GPHN: variants seen among roughly 807,000 people sequenced by gnomAD.
The protein encoded by GPHN is gephyrin.
Under a neutral mutation model 95.5 loss-of-function variants are expected in GPHN, and 17 were observed. The observed-to-expected ratio is 0.18, with a 90% CI of 0.12 to 0.27. The LOEUF (loss-of-function observed/expected upper bound fraction) is 0.27, where lower values mean the gene tolerates loss of function less well. Among genes scored for constraint, GPHN ranks in the 10% least tolerant of loss-of-function variants. GPHN has a pLI of 1.00. For synonymous variants in GPHN, 320 were observed against 322.5 expected, an observed-to-expected ratio of 0.99 and a Z score of 0.08; for missense variants, 660 against 978.1, an observed-to-expected ratio of 0.67 and a Z score of 4.34.
chr14:67,572,317 TGCA>T, the GPHN span: 1 of 1,521,300 alleles, frequency 6.6e-7, no homozygotes, highest in Non-Finnish European at 8.8e-7. Flanking sequence ...GGAAGCAGAA[TGCA>T]GCAGAGGCTG....
At chr14:67,572,195 C>T in the GPHN span, 29 of 1,608,810 alleles carry the variant, frequency 1.8e-5, no homozygotes, top group East Asian at 5.8e-4. Context: ...GACGCCTGCT[C>T]ACTGGACAGT....
intron 2 of GPHN, chr14:66,760,852 A>G (rs758390615): frequency 6.7e-5 from 42 of 629,392 alleles, no homozygotes; most frequent in Middle Eastern, 4.6e-4. Context: ...AGCGAAATTT[A>G]TAATGAACAG....
intron 3 of GPHN, among the ~76,000 whole-genome samples, chr14:66,798,688 G>C (rs2060242335): frequency 6.6e-6 from 1 of 150,980 alleles, no homozygotes; most frequent in Admixed American, 6.6e-5. Flanking sequence ...TATTTATTTG[G>C]ATCTTCCCTC....
At chr14:67,113,199 G>A in intron 16 of GPHN, 28 bp downstream of exon 16, 6 of 1,589,740 alleles carry the variant, frequency 3.8e-6, no homozygotes, top group Non-Finnish European at 5.2e-6. Context: ...GGAGGGAGTG[G>A]GGAGAGGGCC....
chr14:66,884,526 C>T (rs896881727), intron 5 of GPHN, among the ~76,000 whole-genome samples: 1 of 151,858 alleles, frequency 6.6e-6, no homozygotes, highest in Non-Finnish European at 1.5e-5. Flanking sequence ...ACTAAACTGC[C>T]CACAAAATAG....
At chr14:67,289,768 C>CTTTTTTTTTTTTTTTT in the GPHN span, among the ~76,000 whole-genome samples, 3 of 95,508 alleles carry the variant, frequency 3.1e-5, 1 homozygote, top group African/African-American at 4.2e-5. Flanking sequence ...TTTTCCATGT[C>CTTTTTTTTTTTTTTTT]CTTTTTTTTT....
intron 3 of GPHN, among the ~76,000 whole-genome samples, chr14:66,789,050 A>G (rs954962552): frequency 8.5e-5 from 13 of 152,244 alleles, no homozygotes; most frequent in African/African-American, 2.7e-4. Context: ...AGAGCAGATC[A>G]GTGTTCTGAG....
chr14:66,825,775 C>G (rs1247678201), intron 4 of GPHN, among the ~76,000 whole-genome samples: 2 of 152,086 alleles, frequency 1.3e-5, no homozygotes, highest in Admixed American at 1.3e-4. Context: ...AAAATCGAGT[C>G]GTATTGAGAG....
At chr14:67,026,558 A>C (rs1594857474) in intron 10 of GPHN, among the ~76,000 whole-genome samples, 1 of 152,312 alleles carries the variant, frequency 6.6e-6, no homozygotes, top group East Asian at 1.9e-4. Flanking sequence ...GAGTTAAATA[A>C]GTTGCTTGTG....
At chr14:66,623,609 C>A (rs1467586890) in intron 1 of GPHN, among the ~76,000 whole-genome samples, 2 of 125,878 alleles carry the variant, frequency 1.6e-5, no homozygotes, top group African/African-American at 7.1e-5. Flanking sequence ...TGGAGTGAGA[C>A]TCTGTTTCAA....
intron 17 of GPHN, among the ~76,000 whole-genome samples, chr14:67,129,462 T>C (rs1352972276): frequency 6.6e-6 from 1 of 152,164 alleles, no homozygotes; most frequent in Non-Finnish European, 1.5e-5. Context: ...ATCAAAAGAT[T>C]ATAGAAAACA....
At chr14:66,728,110 C>T (rs189604409) in intron 2 of GPHN, among the ~76,000 whole-genome samples, 2 of 152,124 alleles carry the variant, frequency 1.3e-5, no homozygotes, top group Admixed American at 6.6e-5. Context: ...GTGCAAGCCC[C>T]AAGCCTTGGC....
At chr14:67,263,004 G>A in the GPHN span, among the ~76,000 whole-genome samples, 20 of 152,012 alleles carry the variant, frequency 1.3e-4, 1 homozygote, top group Admixed American at 5.2e-4. Context: ...ATCTTTTATT[G>A]CTAAGGAGTT....
Position 66,916,086 on chromosome 14 carries a change from T to C in GPHN, c.456+17T>C, listed in dbSNP as rs1297966879. On this transcript the variant is annotated intron_variant, in intron 6 of 22. Coordinates refer to ENST00000478722, the MANE Select transcript of GPHN (RefSeq NM_020806.5). The stretch of plus-strand genomic sequence containing the variant: ...GGATCTCAGGTAAATCACCTGGACA[T>C]ATTAATGGTTTAGTGTAAGAGCTTT... 1 of 1,510,552 alleles carries C rather than the reference T, an allele frequency of 6.6e-7. No homozygotes were observed. Among genetic ancestry groups the C allele is most frequent in the East Asian group, 2.3e-5 (1 of 44,380 alleles). The allele number at this position is 1,510,552 out of a possible 1,614,324, so 93.6% of individuals were successfully genotyped here.
At chr14:66,836,779 C>T (rs1263827478) in intron 4 of GPHN, among the ~76,000 whole-genome samples, 21 of 151,878 alleles carry the variant, frequency 1.4e-4, no homozygotes, top group African/African-American at 4.4e-4. Context: ...AAAAAGAGGG[C>T]GAAGGACATG....
At chr14:67,302,475 A>G in the GPHN span, 1 of 1,600,360 alleles carries the variant, frequency 6.2e-7, no homozygotes, top group East Asian at 2.3e-5. Flanking sequence ...GGGGTGCTGC[A>G]GAGAAAAGTG....
At position 66,683,443 on chromosome 14, in the gene GPHN, TATG is replaced by T. The variant is rs1357838029; in HGVS notation, c.143+2262_143+2264del. On this transcript the variant is annotated intron_variant, in intron 2 of 22. Coordinates refer to ENST00000478722, the MANE Select transcript of GPHN (RefSeq NM_020806.5). ...ATATATATTCATATTCTTGTGTTGT[TATG>T]ATGGGAAATATTTTATTCTGAGTTC... Among the ~76,000 whole-genome samples the T allele has an allele frequency of 1.2e-4, 6 of 48,054 alleles. No homozygotes were observed. The South Asian group carries it at 2.2e-3, about 17-fold the overall frequency. 31.5% of individuals were successfully genotyped at this position (48,054 alleles called of 152,430 possible).
At chr14:67,096,538 A>T (rs2077402189) in intron 12 of GPHN, among the ~76,000 whole-genome samples, 1 of 151,832 alleles carries the variant, frequency 6.6e-6, no homozygotes, top group South Asian at 2.1e-4. Context: ...ACAAATATTT[A>T]TTATCAGCGA....
chr14:67,396,541 C>G, the GPHN span, among the ~76,000 whole-genome samples: 101 of 106,126 alleles, frequency 9.5e-4, 1 homozygote, highest in African/African-American at 6.0e-3. Context: ...CCTATCACTC[C>G]TTTGGTGAAC....
Sources: gnomAD v4.1 joint callset for allele counts (sites outside exome capture counted in the v4.1 genomes callset) on GRCh38, gnomAD v4.1.1 for gene constraint, MANE v1.5 for transcripts, NCBI Gene and HGNC (gene_info 2026-07-23, HGNC 2026-07-21) for gene names.